Variants in THSD4 observed in about 807,000 individuals in gnomAD.
THSD4 encodes the protein thrombospondin type-1 domain-containing protein 4.
A neutral mutation model predicts 119.0 loss-of-function variants in THSD4; 69 were observed. The ratio of observed to expected loss-of-function variants is 0.58; its 90% CI spans 0.48 to 0.71. The LOEUF (loss-of-function observed/expected upper bound fraction) is 0.71, where lower values mean the gene tolerates loss of function less well. THSD4 is among the 30% of genes least tolerant of loss of function. THSD4 has a pLI of 0.00. For synonymous variants in THSD4, 524 were observed against 540.4 expected (o/e 0.97, Z 0.42); for missense variants, 1,393 against 1,391.1 (o/e 1.00, Z -0.02).
At chr15:71,656,782 G>T (rs180918639) in intron 7 of THSD4, among the ~76,000 whole-genome samples, 2 of 152,276 alleles carry the variant, frequency 1.3e-5, no homozygotes, top group East Asian at 1.9e-4. Context: ...TGTCTTCTAA[G>T]TCTTAGTTTC....
chr15:71,267,357 A>G (rs1057471542), intron 6 of THSD4, among the ~76,000 whole-genome samples: 1 of 152,134 alleles, frequency 6.6e-6, no homozygotes, highest in African/African-American at 2.4e-5. Context: ...TTTCATTTCC[A>G]AACTAAGCTT....
chr15:71,563,325 A>G (rs2049161873), intron 7 of THSD4, among the ~76,000 whole-genome samples: 1 of 152,174 alleles, frequency 6.6e-6, no homozygotes, highest in Admixed American at 6.5e-5. Context: ...CGGATAGTAA[A>G]GACTCTGTTA....
rs149137057 is a variant in THSD4, at chr15:71,182,184, G to A, written c.99+27252G>A. ...CTAAGTTCAAGGGCAAAAAACCTTT[G>A]TTTTTCTATATATGAATATTTCTTT... On this transcript the variant is annotated intron_variant, in intron 3 of 17. Coordinates refer to ENST00000261862, the MANE Select transcript of THSD4 (RefSeq NM_024817.3). 3.3e-4 allele frequency among the ~76,000 whole-genome samples: 50 copies of A among 150,204 alleles called. 1 individual carries two copies. In the East Asian group the frequency reaches 8.3e-3, roughly 25 times the overall value.
chr15:71,592,338 A>C (rs2049823139), intron 7 of THSD4, among the ~76,000 whole-genome samples: 1 of 152,176 alleles, frequency 6.6e-6, no homozygotes. Flanking sequence ...ACGCAGTGGC[A>C]GGGAGAAGGC....
chr15:71,125,542 A>G (rs1052211621), intron 1 of THSD4, among the ~76,000 whole-genome samples: 2 of 152,274 alleles, frequency 1.3e-5, no homozygotes, highest in Non-Finnish European at 2.9e-5. Context: ...GTTAGAAAGC[A>G]GAGTTTCCCC....
At chr15:71,702,692 G>A (rs1417220368) in intron 8 of THSD4, among the ~76,000 whole-genome samples, 5 of 152,082 alleles carry the variant, frequency 3.3e-5, no homozygotes, top group Admixed American at 2.6e-4. Context: ...TCTGACCACG[G>A]GGCCTTTGCA....
At position 71,242,584 on chromosome 15, in the gene THSD4, G is replaced by T. The variant is rs2044162164; in HGVS notation, c.465-65G>T. On this transcript the variant is annotated intron_variant, in intron 4 of 17. Transcript: ENST00000261862. ...CTGGTCCTCTCTACCACGGACCAGA[G>T]CTTCTGAGTTAACATGAAATTCATC... 2.6e-6 allele frequency: 4 copies of T among 1,543,072 alleles called. No homozygotes were observed. The Admixed American group carries it at 5.2e-5, about 20-fold the overall frequency.
intron 7 of THSD4, among the ~76,000 whole-genome samples, chr15:71,424,805 T>C (rs2046848624): frequency 6.6e-6 from 1 of 152,094 alleles, no homozygotes; most frequent in Admixed American, 6.5e-5. Context: ...AGTTTGGGGG[T>C]GTATGTATTA....
At position 71,439,724 on chromosome 15, in the gene THSD4, G is replaced by A. The variant is rs1249224432; in HGVS notation, c.1152+27901G>A. 5.9e-5 allele frequency among the ~76,000 whole-genome samples: 9 copies of A among 152,268 alleles called. No individual in the cohort carries two copies. In the East Asian group the frequency reaches 1.3e-3, roughly 23 times the overall value. On this transcript the variant is annotated intron_variant, in intron 7 of 17. Transcript: ENST00000261862. ...TCATGTCCTTTGCAGGGACATGGAC[G>A]AAGCTGGAAACCATCATTCTCAGCA...
intron 7 of THSD4, among the ~76,000 whole-genome samples, chr15:71,581,066 G>T (rs181722911): frequency 9.2e-5 from 14 of 152,180 alleles, no homozygotes; most frequent in Admixed American, 5.9e-4. Context: ...ATTTCCTTTG[G>T]ATATATACTC....
intron 7 of THSD4, among the ~76,000 whole-genome samples, chr15:71,429,796 C>T (rs1566979509): frequency 6.6e-6 from 1 of 152,172 alleles, no homozygotes; most frequent in African/African-American, 2.4e-5. Context: ...CCCATTAAAC[C>T]AGTCTCTCAT....
chr15:71,606,850 A>G (rs1293377627), intron 7 of THSD4, among the ~76,000 whole-genome samples: 1 of 152,164 alleles, frequency 6.6e-6, no homozygotes, highest in African/African-American at 2.4e-5. Flanking sequence ...TCAAATGGCA[A>G]TTGTATTGTA....
Position 71,563,367 on chromosome 15 carries a change from T to C in THSD4, c.1153-97163T>C, listed in dbSNP as rs556541409. Reference sequence around the variant, plus strand: ...TGAAGGCCGCTTACTTGGAACCGTATCTTCTAAATGCTCTGAAAACCTATC... The same window carrying C: ...TGAAGGCCGCTTACTTGGAACCGTACCTTCTAAATGCTCTGAAAACCTATC... On this transcript the variant is annotated intron_variant, in intron 7 of 17. Coordinates refer to ENST00000261862, the MANE Select transcript of THSD4 (RefSeq NM_024817.3). 1.6e-3 allele frequency among the ~76,000 whole-genome samples: 242 copies of C among 152,296 alleles called. 1 individual carries two copies. Among genetic ancestry groups the C allele is most frequent in the African/African-American group, 5.6e-3 (234 of 41,556 alleles).
At chr15:71,437,159 C>T (rs552588933) in intron 7 of THSD4, among the ~76,000 whole-genome samples, 5 of 152,006 alleles carry the variant, frequency 3.3e-5, no homozygotes, top group African/African-American at 4.8e-5. Context: ...AGAGCAGCAG[C>T]GAGAGAGAAA....
chr15:71,134,498 C>G (rs2040531436), intron 1 of THSD4, among the ~76,000 whole-genome samples: 1 of 152,180 alleles, frequency 6.6e-6, no homozygotes, highest in African/African-American at 2.4e-5. Flanking sequence ...CATGGAGGCC[C>G]TGCTTTCTAA....
chr15:71,633,782 G>A (rs990699044), intron 7 of THSD4, among the ~76,000 whole-genome samples: 5 of 152,206 alleles, frequency 3.3e-5, no homozygotes, highest in Admixed American at 2.6e-4. Context: ...AATGGATATG[G>A]GCATGGGATT....
chr15:71,245,794 G>T (rs2140277412), intron 5 of THSD4, among the ~76,000 whole-genome samples: 1 of 152,310 alleles, frequency 6.6e-6, no homozygotes, highest in South Asian at 2.1e-4. Context: ...TAGGCACGGT[G>T]AGCCACTCCT....
chr15:71,297,320 T>TTTTTTTTGTTTG (rs111707595), intron 6 of THSD4, among the ~76,000 whole-genome samples: 1 of 147,982 alleles, frequency 6.8e-6, no homozygotes, highest in Non-Finnish European at 1.5e-5. Flanking sequence ...CTCTTCTTTT[T>TTTTTTTTGTTTG]TTTGTTTGTT....
intron 7 of THSD4, among the ~76,000 whole-genome samples, chr15:71,610,108 G>A (rs1052566305): frequency 1.3e-5 from 2 of 152,166 alleles, no homozygotes; most frequent in African/African-American, 2.4e-5. Context: ...ACAGTCCTTC[G>A]CTAACTTCAA....
Sources: gnomAD v4.1 joint callset for allele counts (sites outside exome capture counted in the v4.1 genomes callset) on GRCh38, gnomAD v4.1.1 for gene constraint, MANE v1.5 for transcripts, NCBI Gene and HGNC (gene_info 2026-07-23, HGNC 2026-07-21) for gene names.